The following ADK variants were observed in gnomAD, a reference collection of about 807,000 sequenced individuals.
The protein encoded by ADK is N6,N6-dimethyladenosine kinase.
In ADK, 24 loss-of-function variants were observed where a neutral mutation model predicts 44.7. That is an observed-to-expected ratio of 0.54 (90% CI 0.39 to 0.76). The LOEUF (loss-of-function observed/expected upper bound fraction) is 0.76. ADK is among the 30% of genes least tolerant of loss of function. The pLI is 0.00. For missense variants in ADK, 321 were observed against 425.1 expected, an observed-to-expected ratio of 0.76 and a Z score of 2.15; for synonymous variants, 128 against 142.6, an observed-to-expected ratio of 0.90 and a Z score of 0.73.
rs929229038 is a variant in ADK, at chr10:74,418,119, A to G, written c.555+19540A>G. ...GTGTTTGGGGCTGTTTGTAGAGGAAAATTTCATCAAGCAACATTTTGGGAA... is the reference window on the plus strand; with the variant it reads ...GTGTTTGGGGCTGTTTGTAGAGGAAGATTTCATCAAGCAACATTTTGGGAA... On this transcript the variant is annotated intron_variant, in intron 6 of 10. Transcript: ENST00000539909. Among the ~76,000 whole-genome samples the G allele has an allele frequency of 2.6e-5, 4 of 152,278 alleles. No homozygotes were observed. The South Asian group carries it at 8.3e-4, about 32-fold the overall frequency.
chr10:74,314,553 A>T, intron 3 of ADK, 114 bp from the exon 4 acceptor site: 1 of 700,110 alleles, frequency 1.4e-6, no homozygotes, highest in Non-Finnish European at 2.6e-6. Context: ...CAACATACTT[A>T]AACAATAAAA....
At chr10:74,470,025 T>A (rs1207442741) in intron 6 of ADK, among the ~76,000 whole-genome samples, 1 of 132,314 alleles carries the variant, frequency 7.6e-6, no homozygotes, top group Non-Finnish European at 1.6e-5. Flanking sequence ...ATATACCACC[T>A]TTTTTTTTTT....
chr10:74,220,101 AACAAAATTGATAG>A (rs1189406263), intron 2 of ADK, among the ~76,000 whole-genome samples: 1 of 152,158 alleles, frequency 6.6e-6, no homozygotes, highest in Non-Finnish European at 1.5e-5. Context: ...TGAAAGGATC[AACAAAATTGATAG>A]ACCACTAGCA....
chr10:74,423,660 C>T (rs1474299172), intron 6 of ADK: 4 of 413,028 alleles, frequency 9.7e-6, no homozygotes, highest in African/African-American at 8.4e-5. Flanking sequence ...TCTTGCTGGC[C>T]AGGTCTGCCT....
intron 1 of ADK, among the ~76,000 whole-genome samples, chr10:74,180,991 A>C (rs1842533013): frequency 1.3e-5 from 2 of 152,366 alleles, no homozygotes; most frequent in South Asian, 4.1e-4. Context: ...GAATAAAAGC[A>C]CTTTGAGCCC....
At chr10:74,616,954 C>T (rs1431340090) in intron 9 of ADK, among the ~76,000 whole-genome samples, 2 of 151,660 alleles carry the variant, frequency 1.3e-5, no homozygotes, top group Non-Finnish European at 2.9e-5. Flanking sequence ...CTTAGGTTTT[C>T]GATGCTATCT....
rs1284060666 is a variant in ADK, at chr10:74,347,121, AAAAAAAAAAAAAAAAAAAAAAG to A, written c.273+32378_273+32399del. On this transcript the variant is annotated intron_variant, in intron 4 of 10. Transcript: ENST00000539909. ...CACTCTGTCTCAAAAAAAAAAAAAA[AAAAAAAAAAAAAAAAAAAAAAG>A]ATGGCCGAATAGGAAGAGCTCCAGT... Among the ~76,000 whole-genome samples the A allele has an allele frequency of 1.8e-3, 81 of 45,926 alleles. 1 individual carries two copies. The highest frequency in any genetic ancestry group is 7.1e-3 in the Non-Finnish European group (71 of 9,934). The allele number at this position is 45,926 out of a possible 152,430, so 30.1% of individuals were successfully genotyped here.
chr10:74,282,575 T>C (rs1469397622), intron 3 of ADK, among the ~76,000 whole-genome samples: 3 of 152,216 alleles, frequency 2.0e-5, no homozygotes, highest in Admixed American at 6.5e-5. Context: ...TTAACTACTT[T>C]AATAAGAAAT....
At chr10:74,498,232 T>C (rs565112404) in intron 6 of ADK, among the ~76,000 whole-genome samples, 1 of 152,196 alleles carries the variant, frequency 6.6e-6, no homozygotes, top group Non-Finnish European at 1.5e-5. Flanking sequence ...CAAATTTTGT[T>C]TTGTTATAGA....
intron 6 of ADK, among the ~76,000 whole-genome samples, chr10:74,425,991 C>T (rs1255503889): frequency 6.6e-6 from 1 of 151,942 alleles, no homozygotes; most frequent in Non-Finnish European, 1.5e-5. Context: ...AGTCTCTGTT[C>T]TTGTTTGTAA....
intron 2 of ADK, among the ~76,000 whole-genome samples, chr10:74,214,428 A>G (rs182164032): frequency 3.3e-5 from 5 of 152,346 alleles, no homozygotes; most frequent in East Asian, 1.9e-4. Context: ...CTATGTGGCA[A>G]TATTTGTAGA....
chr10:74,431,427 A>G (rs985457244), intron 6 of ADK, among the ~76,000 whole-genome samples: 1 of 152,136 alleles, frequency 6.6e-6, no homozygotes, highest in Admixed American at 6.5e-5. Flanking sequence ...GGATAAGGGG[A>G]CTTGAATAAA....
chr10:74,186,648 C>T (rs1184350608), intron 1 of ADK, among the ~76,000 whole-genome samples: 1 of 152,116 alleles, frequency 6.6e-6, no homozygotes, highest in Non-Finnish European at 1.5e-5. Flanking sequence ...ACCCAGGCAA[C>T]CACTTTTGGA....
intron 10 of ADK, among the ~76,000 whole-genome samples, chr10:74,682,597 G>A (rs1478525860): frequency 2.1e-5 from 3 of 140,452 alleles, no homozygotes; most frequent in Admixed American, 1.5e-4. Context: ...TTTTTGAGAC[G>A]GAGTCTAGCT....
chr10:74,282,270 T>G (rs1846971671), intron 3 of ADK, among the ~76,000 whole-genome samples: 1 of 152,220 alleles, frequency 6.6e-6, no homozygotes, highest in Admixed American at 6.5e-5. Context: ...TTTTTAAGGA[T>G]GTTTAAGATT....
intron 7 of ADK, among the ~76,000 whole-genome samples, chr10:74,541,240 C>A (rs1443411563): frequency 6.6e-6 from 1 of 152,136 alleles, no homozygotes; most frequent in Non-Finnish European, 1.5e-5. Context: ...GTCTCGAACT[C>A]CTGACCTCAG....
chr10:74,257,755 A>G (rs192651486), intron 3 of ADK, among the ~76,000 whole-genome samples: 168 of 152,338 alleles, frequency 1.1e-3, no homozygotes, highest in African/African-American at 3.5e-3. Flanking sequence ...TGTTTAGGCA[A>G]TAAATTTAAA....
chr10:74,573,505 C>T (rs890386107), intron 7 of ADK, among the ~76,000 whole-genome samples: 5 of 152,224 alleles, frequency 3.3e-5, no homozygotes, highest in South Asian at 2.1e-4. Context: ...TCTCCATCTG[C>T]GTGCTGGGAG....
chr10:74,444,075 T>G (rs908496473), intron 6 of ADK, among the ~76,000 whole-genome samples: 7 of 152,074 alleles, frequency 4.6e-5, no homozygotes, highest in African/African-American at 1.7e-4. Flanking sequence ...CCATTTCAGG[T>G]ATATGCAACT....
Sources: allele counts gnomAD v4.1 joint callset (sites outside exome capture counted in the v4.1 genomes callset), GRCh38; gene constraint gnomAD v4.1.1; transcripts MANE v1.5; gene names NCBI Gene and HGNC (gene_info 2026-07-23, HGNC 2026-07-21).